The following ARFGEF3 variants were observed in gnomAD, a reference collection of about 807,000 sequenced individuals.
The protein encoded by ARFGEF3 is brefeldin A-inhibited guanine nucleotide-exchange protein 3.
In ARFGEF3, 96 loss-of-function variants were observed where a neutral mutation model predicts 221.7. That is an observed-to-expected ratio of 0.43 (90% CI 0.37 to 0.51). The LOEUF (loss-of-function observed/expected upper bound fraction) is 0.51, where lower values mean the gene tolerates loss of function less well. Ranked by LOEUF, ARFGEF3 falls within the 20% of genes least tolerant of loss-of-function variation. The pLI, the probability that ARFGEF3 is intolerant of heterozygous loss-of-function variation, is 0.00. For missense variants in ARFGEF3, 2,410 were observed against 2,789.9 expected (o/e 0.86, Z 3.07); for synonymous variants, 1,145 against 1,126.8 (o/e 1.02, Z -0.32).
intron 2 of ARFGEF3, among the ~76,000 whole-genome samples, chr6:138,178,436 T>C (rs908434850): frequency 6.6e-6 from 1 of 152,194 alleles, no homozygotes; most frequent in African/African-American, 2.4e-5. Context: ...CTCACTTCCT[T>C]ATCCTACTTA....
At chr6:138,240,265 T>C (rs762045512) in intron 6 of ARFGEF3, among the ~76,000 whole-genome samples, 1 of 152,164 alleles carries the variant, frequency 6.6e-6, no homozygotes, top group Non-Finnish European at 1.5e-5. Flanking sequence ...TGTTGAGAAA[T>C]CTTATAATAT....
rs755656149 is a variant in ARFGEF3 at position 138,292,048 on chromosome 6, C to G, written c.3363C>G (p.Ala1121=). 11 of 1,437,574 alleles carry G rather than the reference C, an allele frequency of 7.7e-6. No homozygotes were observed. The highest frequency in any genetic ancestry group is 1.4e-5 in the South Asian group (1 of 69,922). 89.1% of individuals were successfully genotyped at this position (1,437,574 alleles called of 1,614,324 possible). A position where few individuals can be genotyped will look rare whatever the true frequency, so the allele number is the denominator to read the frequency against. ...AKVVLTLSTQ[A]DRLFEDATDK... ...TGGTGCTCACCCTCTCCACGCAAGC[C>G]GACAGGTGCGCGGCGCCGGCCTCCC... The change falls in exon 19 of 34, where the codon GCC becomes GCG. Residue 1121 remains alanine, a synonymous_variant. Transcript: ENST00000251691.
At chr6:138,207,400 T>C (rs1777643983) in intron 3 of ARFGEF3, among the ~76,000 whole-genome samples, 1 of 152,182 alleles carries the variant, frequency 6.6e-6, no homozygotes, top group South Asian at 2.1e-4. Flanking sequence ...GTGTGTGACA[T>C]CTTTCAGGAG....
At chr6:138,255,803 C>T in intron 10 of ARFGEF3, 34 bp downstream of exon 10, 3 of 1,464,022 alleles carry the variant, frequency 2.0e-6, no homozygotes, top group Admixed American at 2.4e-5. Flanking sequence ...ACCAGGTTTA[C>T]AAGGGGGCCT....
rs1465577930 is a variant in ARFGEF3, at chr6:138,334,838, G to C, written c.5992G>C (p.Asp1998His). 1 of 1,598,290 alleles carries C rather than the reference G, an allele frequency of 6.3e-7. No homozygotes were observed. The highest frequency in any genetic ancestry group is 1.7e-5 in the Admixed American group (1 of 57,278). ...CCCCAGCCCCAAAGTGGAGAAGAAGGATCCCAGCCGGAAGAAGGAGTGGTG... is the reference window on the plus strand; with the variant it reads ...CCCCAGCCCCAAAGTGGAGAAGAAGCATCCCAGCCGGAAGAAGGAGTGGTG... ...LPPSPKVEKKDPSRKKEWWEN... is the reference protein window; with the variant it reads ...LPPSPKVEKKHPSRKKEWWEN... Residue 1998 changes from aspartate (D) to histidine (H), a missense_variant, in exon 33 of 34, where the codon GAT (aspartate) becomes CAT (histidine). Transcript: ENST00000251691. The surrounding 1 kb of genome is among the most constrained non-coding windows in gnomAD (Gnocchi z 5.1).
chr6:138,296,248 G>A, intron 20 of ARFGEF3, among the ~76,000 whole-genome samples: 1 of 152,116 alleles, frequency 6.6e-6, no homozygotes, highest in East Asian at 1.9e-4. Context: ...AGGCTGCAGA[G>A]GTTTATTAAG....
chr6:138,314,022 GC>G, intron 26 of ARFGEF3, 83 bp downstream of exon 26: 1 of 1,399,496 alleles, frequency 7.1e-7, no homozygotes, highest in Non-Finnish European at 9.9e-7. Context: ...AGTACCTTAA[GC>G]TTCTGGGAAT....
chr6:138,288,893 A>C (rs1279962049), intron 17 of ARFGEF3, among the ~76,000 whole-genome samples: 1 of 152,196 alleles, frequency 6.6e-6, no homozygotes, highest in Non-Finnish European at 1.5e-5. Flanking sequence ...GCCTTGCCTT[A>C]GCATTTTGCA....
intron 2 of ARFGEF3, among the ~76,000 whole-genome samples, chr6:138,176,606 CTTTG>C (rs1776952970): frequency 6.6e-6 from 1 of 151,692 alleles, no homozygotes; most frequent in African/African-American, 2.4e-5. Flanking sequence ...CATTTAGATT[CTTTG>C]TTTTTTTCTT....
In ARFGEF3 at chr6:138,336,409, G is replaced by A; in HGVS notation, c.6457G>A (p.Val2153Met). 1 of 1,613,432 alleles carries A rather than the reference G, an allele frequency of 6.2e-7. No individual in the cohort carries two copies. The highest frequency in any genetic ancestry group is 8.5e-7 in the Non-Finnish European group (1 of 1,179,684). ...GTGCATCAGTCAGCTGACCTGTCAC[G>A]TGACCGACATCAGAGTTCGCCAGGC... ...FPCISQLTCH[V>M]TDIRVRQAVR... Residue 2153 changes from valine to methionine, a missense_variant, in exon 34 of 34, where the codon GTG becomes ATG. Transcript: ENST00000251691.
intron 12 of ARFGEF3, among the ~76,000 whole-genome samples, chr6:138,269,733 G>A (rs1188678666): frequency 6.6e-6 from 1 of 152,158 alleles, no homozygotes; most frequent in Admixed American, 6.5e-5. Flanking sequence ...CTTGAACCCA[G>A]GAGGCGGAGG....
chr6:138,327,919 T>G, intron 31 of ARFGEF3, 102 bp from the exon 32 acceptor site: 1 of 873,174 alleles, frequency 1.1e-6, no homozygotes, highest in African/African-American at 1.7e-5. Flanking sequence ...TATCCTCATT[T>G]TATAGATGAG....
At chr6:138,257,426 G>C (rs932500412) in intron 10 of ARFGEF3, among the ~76,000 whole-genome samples, 4 of 152,178 alleles carry the variant, frequency 2.6e-5, no homozygotes. Flanking sequence ...TGGAAGAAAT[G>C]AGAGGAAGGG....
intron 4 of ARFGEF3, among the ~76,000 whole-genome samples, chr6:138,213,236 T>A (rs1359926443): frequency 7.5e-5 from 11 of 146,796 alleles, no homozygotes; most frequent in Non-Finnish European, 1.3e-4. Context: ...TATAGTGAGC[T>A]GAGATCGTGC....
intron 2 of ARFGEF3, among the ~76,000 whole-genome samples, chr6:138,179,227 C>T (rs75226190): frequency 0.04 from 6,145 of 152,292 alleles, 139 homozygotes; most frequent in Middle Eastern, 0.092. Flanking sequence ...TGCAACAGTA[C>T]TGGTCCAGAT....
chr6:138,323,899 A>G (rs941251412), intron 30 of ARFGEF3, 124 bp from the exon 31 acceptor site: 1 of 1,540,804 alleles, frequency 6.5e-7, no homozygotes, highest in African/African-American at 1.4e-5. Context: ...GATCTTGCAG[A>G]GAGTGAGAAA....
intron 17 of ARFGEF3, among the ~76,000 whole-genome samples, chr6:138,289,180 C>T (rs1207214383): frequency 6.6e-6 from 1 of 152,170 alleles, no homozygotes; most frequent in Non-Finnish European, 1.5e-5. Context: ...CTCGAACTCC[C>T]AACCTCTGGT....
chr6:138,228,802 T>C (rs1286985423), intron 4 of ARFGEF3, among the ~76,000 whole-genome samples: 1 of 152,160 alleles, frequency 6.6e-6, no homozygotes, highest in Admixed American at 6.5e-5. Context: ...ATGAGAAAAA[T>C]GCTCAGAAGA....
At chr6:138,192,045 G>A (rs1352922344) in intron 2 of ARFGEF3, among the ~76,000 whole-genome samples, 1 of 152,208 alleles carries the variant, frequency 6.6e-6, no homozygotes, top group East Asian at 1.9e-4. Context: ...AGGTGAGGCA[G>A]GACCCTGCCT....
Sources: gnomAD v4.1 joint callset for allele counts (sites outside exome capture counted in the v4.1 genomes callset) on GRCh38, gnomAD v4.1.1 for gene constraint, Gnocchi (gnomAD v3.1) non-coding constraint, MANE v1.5 for transcripts, NCBI Gene and HGNC (gene_info 2026-07-23, HGNC 2026-07-21) for gene names.